The following CNTNAP2 variants were observed in gnomAD, a reference collection of about 807,000 sequenced individuals.
CNTNAP2 encodes contactin-associated protein-like 2.
CNTNAP2 carries 98 observed loss-of-function variants against 155.2 expected under a neutral mutation model. That is an observed-to-expected ratio of 0.63 (90% confidence interval 0.54 to 0.75). CNTNAP2 has a LOEUF of 0.75. Among genes scored for constraint, CNTNAP2 ranks in the 30% least tolerant of loss-of-function variants. The pLI, the probability that CNTNAP2 is intolerant of heterozygous loss-of-function variation, is 0.00. For missense variants in CNTNAP2, 1,727 were observed against 1,688.1 expected, an observed-to-expected ratio of 1.02 and a Z score of -0.40; for synonymous variants, 651 against 631.2, an observed-to-expected ratio of 1.03 and a Z score of -0.47.
intron 11 of CNTNAP2, among the ~76,000 whole-genome samples, chr7:147,556,183 C>T (rs941863105): frequency 6.6e-5 from 10 of 152,084 alleles, no homozygotes; most frequent in East Asian, 1.9e-4. Flanking sequence ...TTCATTCTTC[C>T]GTCTTTCTTT....
At chr7:146,560,466 A>ATG (rs956565393) in intron 1 of CNTNAP2, among the ~76,000 whole-genome samples, 14 of 151,332 alleles carry the variant, frequency 9.3e-5, no homozygotes, top group Admixed American at 3.3e-4. Flanking sequence ...ATATGTGTGT[A>ATG]TGTGTGTGTG....
rs146008394 is a variant in CNTNAP2, at chr7:147,049,323, A to G, written c.550+5269A>G. ...TTTTCCAAGAAAAATATACATGTTT[A>G]CATTTTAAAATATATATATGTTAAA... is the stretch of plus-strand genomic sequence containing the variant. On this transcript the variant is annotated intron_variant, in intron 4 of 23. Transcript: ENST00000361727. Among the ~76,000 whole-genome samples the G allele has an allele frequency of 1.6e-3, 240 of 152,358 alleles. 2 individuals carry two copies. Among genetic ancestry groups the G allele is most frequent in the Non-Finnish European group, 2.5e-3 (168 of 68,040 alleles).
At chr7:146,490,739 T>C (rs1363565031) in intron 1 of CNTNAP2, among the ~76,000 whole-genome samples, 1 of 152,222 alleles carries the variant, frequency 6.6e-6, no homozygotes, top group African/African-American at 2.4e-5. Flanking sequence ...CTTTAAATTA[T>C]CTTTAAATTC....
intron 1 of CNTNAP2, among the ~76,000 whole-genome samples, chr7:146,711,403 T>A: frequency 6.8e-6 from 1 of 147,510 alleles, no homozygotes; most frequent in South Asian, 2.1e-4. Context: ...ATATGTATAA[T>A]ATATACTATG....
chr7:148,174,425 C>CG (rs1554400570), intron 18 of CNTNAP2, among the ~76,000 whole-genome samples: 29 of 151,536 alleles, frequency 1.9e-4, no homozygotes, highest in Non-Finnish European at 2.1e-4. Context: ...TGACCGCCCC[C>CG]CACCTCAGGC....
intron 1 of CNTNAP2, among the ~76,000 whole-genome samples, chr7:146,202,288 C>T (rs931063090): frequency 9.2e-5 from 14 of 152,088 alleles, no homozygotes; most frequent in African/African-American, 2.9e-4. Context: ...CCTACATTAT[C>T]TGATTTCAGC....
chr7:146,638,479 T>TTTTTTTTTTTTTTTG (rs1799644421), intron 1 of CNTNAP2, among the ~76,000 whole-genome samples: 1 of 78,312 alleles, frequency 1.3e-5, no homozygotes, highest in Non-Finnish European at 2.6e-5. Flanking sequence ...GGTGTTTCTT[T>TTTTTTTTTTTTTTTG]TTTTTTTTTT....
intron 1 of CNTNAP2, among the ~76,000 whole-genome samples, chr7:146,336,657 T>C (rs1801281314): frequency 6.6e-6 from 1 of 152,160 alleles, no homozygotes; most frequent in South Asian, 2.1e-4. Context: ...TTTCTATTTT[T>C]AACGGCCCTA....
intron 1 of CNTNAP2, among the ~76,000 whole-genome samples, chr7:146,428,128 T>C (rs2129116219): frequency 6.6e-6 from 1 of 152,338 alleles, no homozygotes. Context: ...ACATTTTCTT[T>C]ATCTATTCTA....
At chr7:147,045,655 G>A (rs1799342659) in intron 4 of CNTNAP2, among the ~76,000 whole-genome samples, 1 of 152,138 alleles carries the variant, frequency 6.6e-6, no homozygotes, top group Non-Finnish European at 1.5e-5. Context: ...TTGGTCCTAT[G>A]TGGTCTAGAC....
chr7:146,740,742 C>T (rs1309913524), intron 1 of CNTNAP2, among the ~76,000 whole-genome samples: 3 of 152,176 alleles, frequency 2.0e-5, no homozygotes, highest in Non-Finnish European at 2.9e-5. Context: ...TGGCATGACA[C>T]TGCCAAAAGC....
chr7:148,164,574 C>T (rs888287242), intron 17 of CNTNAP2, among the ~76,000 whole-genome samples: 1 of 150,166 alleles, frequency 6.7e-6, no homozygotes, highest in African/African-American at 2.5e-5. Context: ...AAGATAGCAA[C>T]GACACCCATC....
chr7:148,142,140 TAAC>T (rs1348558772), intron 16 of CNTNAP2, among the ~76,000 whole-genome samples: 1 of 151,362 alleles, frequency 6.6e-6, no homozygotes, highest in Non-Finnish European at 1.5e-5. Context: ...TGTGTTTGTA[TAAC>T]AACCCAGTTG....
chr7:147,289,918 A>G (rs1329664475), intron 8 of CNTNAP2, among the ~76,000 whole-genome samples: 1 of 152,168 alleles, frequency 6.6e-6, no homozygotes, highest in Non-Finnish European at 1.5e-5. Context: ...ATTTAGTTGA[A>G]TTTTAAAATG....
intron 22 of CNTNAP2, among the ~76,000 whole-genome samples, chr7:148,389,106 C>T (rs982765817): frequency 2.0e-5 from 3 of 152,220 alleles, no homozygotes; most frequent in Non-Finnish European, 4.4e-5. Flanking sequence ...CTGCGTCGCT[C>T]ATGCTGGGAG....
chr7:146,179,122 G>A (rs936233466), intron 1 of CNTNAP2, among the ~76,000 whole-genome samples: 4 of 152,164 alleles, frequency 2.6e-5, no homozygotes, highest in Non-Finnish European at 4.4e-5. Flanking sequence ...GTGAACATAA[G>A]CTCTTTTGGG....
chr7:147,401,762 TTCAC>T (rs1217011496), intron 10 of CNTNAP2, among the ~76,000 whole-genome samples: 1 of 152,174 alleles, frequency 6.6e-6, no homozygotes, highest in Non-Finnish European at 1.5e-5. Flanking sequence ...CACTTTCCCC[TTCAC>T]TCACTCTCTC....
intron 3 of CNTNAP2, among the ~76,000 whole-genome samples, chr7:146,892,249 T>G (rs1795793716): frequency 6.6e-6 from 1 of 152,112 alleles, no homozygotes; most frequent in South Asian, 2.1e-4. Context: ...GGCATTTCCA[T>G]AGGTTACTGA....
intron 1 of CNTNAP2, among the ~76,000 whole-genome samples, chr7:146,308,328 A>G (rs1448239422): frequency 6.6e-6 from 1 of 152,218 alleles, no homozygotes; most frequent in Non-Finnish European, 1.5e-5. Flanking sequence ...TCAGGAAACA[A>G]CAGGTGCTGG....
Sources: gnomAD v4.1 joint callset for allele counts (sites outside exome capture counted in the v4.1 genomes callset) on GRCh38, gnomAD v4.1.1 for gene constraint, MANE v1.5 for transcripts, NCBI Gene and HGNC (gene_info 2026-07-23, HGNC 2026-07-21) for gene names.